Variants in CDK2AP1 observed in about 807,000 individuals in gnomAD.
The protein encoded by CDK2AP1 is cyclin dependent kinase 2 associated protein 1, also known as cyclin-dependent kinase 2-associated protein 1.
A neutral mutation model predicts 14.1 loss-of-function variants in CDK2AP1; 10 were observed. The ratio of observed to expected loss-of-function variants is 0.71; its 90% CI spans 0.44 to 1.20. The LOEUF (loss-of-function observed/expected upper bound fraction) is 1.20, where lower values mean the gene tolerates loss of function less well. CDK2AP1 is among the 50% of genes most tolerant of loss of function. The pLI, the probability that CDK2AP1 is intolerant of heterozygous loss-of-function variation, is 0.00. For synonymous variants in CDK2AP1, 59 were observed against 59.8 expected (o/e 0.99, Z 0.06); for missense variants, 102 against 149.9 (o/e 0.68, Z 1.67).
rs1052747136 is a variant in CDK2AP1, at chr12:123,271,665, GGGC to G, written c.-50_-48del. 1.8e-4 allele frequency: 154 copies of G among 832,852 alleles called. No individual in the cohort carries two copies. The highest frequency in any genetic ancestry group is 6.1e-4 in the Middle Eastern group (1 of 1,640). The allele number at this position is 832,852 out of a possible 1,614,324, so 51.6% of individuals were successfully genotyped here. A position where few individuals can be genotyped will look rare whatever the true frequency, so the allele number is the denominator to read the frequency against. On this transcript the variant is annotated 5_prime_UTR_variant, in exon 1 of 4. Coordinates refer to ENST00000261692, the MANE Select transcript of CDK2AP1 (RefSeq NM_004642.4). The stretch of plus-strand genomic sequence containing the variant: ...CGGGCGCGGCGGGGCCAGGCCGCGA[GGGC>G]GGCGGCGGCGGCGGCGAGGCCGGGC...
intron 3 of CDK2AP1, among the ~76,000 whole-genome samples, chr12:123,264,479 A>C (rs1327758936): frequency 6.7e-6 from 1 of 150,372 alleles, no homozygotes; most frequent in East Asian, 1.9e-4. Context: ...AAAAAAAAAA[A>C]AAAAAAAAAA....
intron 1 of CDK2AP1, 118 bp from the exon 2 acceptor site, chr12:123,267,400 A>G: frequency 1.4e-6 from 1 of 693,398 alleles, no homozygotes; most frequent in East Asian, 2.7e-5. Flanking sequence ...AGCAGGATGG[A>G]GAACCCTGCT....
Position 123,265,506 on chromosome 12 carries a change from G to A in CDK2AP1, c.154-184C>T, listed in dbSNP as rs2048280949. 9.4e-6 allele frequency among the ~76,000 whole-genome samples: 1 copy of A among 106,352 alleles called. No homozygotes were observed. The highest frequency in any genetic ancestry group is 2.5e-5 in the Non-Finnish European group (1 of 40,104). 69.8% of individuals were successfully genotyped at this position (106,352 alleles called of 152,430 possible). A position where few individuals can be genotyped will look rare whatever the true frequency, so the allele number is the denominator to read the frequency against. On this transcript the variant is annotated intron_variant, in intron 2 of 3. Coordinates refer to ENST00000261692, the MANE Select transcript of CDK2AP1 (RefSeq NM_004642.4). The surrounding 1 kb of genome is among the most constrained non-coding windows in gnomAD (Gnocchi z 5.3). The stretch of plus-strand genomic sequence containing the variant: ...CAACAGAGCGAGACTCCATCTCGGG[G>A]GAAAAAAAAAAAAAAGGGTTCAGCA...
At chr12:123,266,802 G>A (rs778116438) in intron 2 of CDK2AP1, among the ~76,000 whole-genome samples, 2 of 152,242 alleles carry the variant, frequency 1.3e-5, no homozygotes, top group East Asian at 1.9e-4. Context: ...GCCCGCGCCC[G>A]TGGAGAGCAA....
chr12:123,264,673 T>C (rs766902705), intron 3 of CDK2AP1, among the ~76,000 whole-genome samples: 1 of 152,036 alleles, frequency 6.6e-6, no homozygotes, highest in Non-Finnish European at 1.5e-5. Flanking sequence ...TCCCTTGTGC[T>C]CTGTCATCTC....
chr12:123,267,138 T>C (rs372746563), intron 2 of CDK2AP1, 47 bp downstream of exon 2: 2 of 1,060,704 alleles, frequency 1.9e-6, no homozygotes, highest in Non-Finnish European at 3.0e-6. Context: ...GTGGGAAGCA[T>C]GTCTCCCCCT....
In CDK2AP1 at chr12:123,265,701, TCA is replaced by T. The variant is rs1475473536; in HGVS notation, c.154-381_154-380del. On this transcript the variant is annotated intron_variant, in intron 2 of 3. Coordinates refer to ENST00000261692, the MANE Select transcript of CDK2AP1 (RefSeq NM_004642.4). The surrounding 1 kb of genome is among the most constrained non-coding windows in gnomAD (Gnocchi z 5.3). ...GGAGATGGTCCTCACCCTCCTATCC[TCA>T]CACACTCAGGGAGGCCACCCAGTCG... 1.3e-5 allele frequency among the ~76,000 whole-genome samples: 2 copies of T among 151,974 alleles called. No homozygotes were observed. The highest frequency in any genetic ancestry group is 2.9e-5 in the Non-Finnish European group (2 of 67,980).
intron 3 of CDK2AP1, among the ~76,000 whole-genome samples, chr12:123,263,168 G>A (rs1024338188): frequency 8.5e-5 from 12 of 141,792 alleles, no homozygotes; most frequent in Non-Finnish European, 1.5e-4. Flanking sequence ...CCGAGATCGC[G>A]CCACTGCACT....
intron 3 of CDK2AP1, among the ~76,000 whole-genome samples, chr12:123,264,660 G>A (rs544441901): frequency 2.6e-5 from 4 of 151,866 alleles, no homozygotes; most frequent in African/African-American, 7.3e-5. Context: ...ACCTTAACAC[G>A]AGTCCCTTGT....
chr12:123,270,574 C>G (rs1280356859), intron 1 of CDK2AP1, among the ~76,000 whole-genome samples: 2 of 152,098 alleles, frequency 1.3e-5, no homozygotes. Context: ...GAAGAAGGGC[C>G]CCAGTGAGGT....
At chr12:123,268,025 G>C (rs1315053930) in intron 1 of CDK2AP1, 1 of 229,878 alleles carries the variant, frequency 4.4e-6, no homozygotes, top group Non-Finnish European at 7.2e-6. Context: ...ACCAAGCAGG[G>C]CCCAGCCCAG....
At chr12:123,262,781 G>C (rs1008771744) in intron 3 of CDK2AP1, among the ~76,000 whole-genome samples, 3 of 152,140 alleles carry the variant, frequency 2.0e-5, no homozygotes, top group Admixed American at 6.5e-5. Flanking sequence ...TCACTATGTT[G>C]CTCCTGGCTT....
intron 1 of CDK2AP1, chr12:123,271,025 C>CCCCGGCAG (rs1193663289): frequency 2.1e-5 from 19 of 918,846 alleles, no homozygotes; most frequent in African/African-American, 1.6e-4. Context: ...ACCTCAGGGC[C>CCCCGGCAG]CCCGGCAGCC....
At chr12:123,268,085 G>T in intron 1 of CDK2AP1, 1 of 702,726 alleles carries the variant, frequency 1.4e-6, no homozygotes, top group Non-Finnish European at 1.8e-6. Flanking sequence ...GGAGCACGCG[G>T]CCCCGCAATG....
chr12:123,269,045 T>C, intron 1 of CDK2AP1: 1 of 152,466 alleles, frequency 6.6e-6, no homozygotes, highest in Non-Finnish European at 1.5e-5. Flanking sequence ...CCACGCACCC[T>C]CGCATTCCCT....
At chr12:123,264,462 C>CAAAAAAAAAAAAAAAAAAAAAA (rs1167157405) in intron 3 of CDK2AP1, among the ~76,000 whole-genome samples, 5 of 69,860 alleles carry the variant, frequency 7.2e-5, no homozygotes, top group African/African-American at 2.2e-4. Context: ...CTCCGTCTCC[C>CAAAAAAAAAAAAAAAAAAAAAA]AAAAAAAAAA....
chr12:123,268,081 C>T, intron 1 of CDK2AP1: 4 of 677,628 alleles, frequency 5.9e-6, no homozygotes, highest in South Asian at 6.5e-5. Context: ...GCTAGGAGCA[C>T]GCGGCCCCGC....
At chr12:123,267,355 A>T (rs2048308299) in intron 1 of CDK2AP1, 73 bp from the exon 2 acceptor site, 1 of 890,092 alleles carries the variant, frequency 1.1e-6, no homozygotes, top group Non-Finnish European at 1.9e-6. Context: ...CGGGTCCTGC[A>T]ACAGCCCTTG....
intron 1 of CDK2AP1, chr12:123,271,006 G>T: frequency 1.0e-6 from 1 of 980,204 alleles, no homozygotes; most frequent in Non-Finnish European, 1.2e-6. Flanking sequence ...CAGTCCCGGC[G>T]GCCCCGCGAC....
Sources: allele counts gnomAD v4.1 joint callset (sites outside exome capture counted in the v4.1 genomes callset), GRCh38; gene constraint gnomAD v4.1.1; non-coding constraint Gnocchi (gnomAD v3.1); transcripts MANE v1.5; gene names NCBI Gene and HGNC (gene_info 2026-07-23, HGNC 2026-07-21).